Variants in NEBL observed in about 807,000 individuals in gnomAD.
NEBL encodes LIM and SH3 protein 2.
NEBL carries 122 observed loss-of-function variants against 140.2 expected under a neutral mutation model. That is an observed-to-expected ratio of 0.87 (90% CI 0.75 to 1.01). The LOEUF (loss-of-function observed/expected upper bound fraction) is 1.01, where lower values mean the gene tolerates loss of function less well. Among genes scored for constraint, NEBL ranks in the 50% least tolerant of loss-of-function variants. The pLI is 0.00. For synonymous variants in NEBL, 436 were observed against 398.9 expected (o/e 1.09, Z -1.11); for missense variants, 1,365 against 1,231.3 (o/e 1.11, Z -1.62).
intron 1 of NEBL, among the ~76,000 whole-genome samples, chr10:21,286,170 T>C (rs1202735878): frequency 6.6e-6 from 1 of 152,254 alleles, no homozygotes; most frequent in Non-Finnish European, 1.5e-5. Flanking sequence ...ACTGATTTCA[T>C]CCTATTGTGT....
intron 4 of NEBL, among the ~76,000 whole-genome samples, chr10:20,938,302 C>A (rs558804129): frequency 6.6e-6 from 1 of 152,328 alleles, no homozygotes; most frequent in African/African-American, 2.4e-5. Context: ...GTTCTGCAGC[C>A]TCCGCTGCTG....
At chr10:21,165,239 A>AT (rs1840712110) in intron 2 of NEBL, among the ~76,000 whole-genome samples, 1 of 152,248 alleles carries the variant, frequency 6.6e-6, no homozygotes, top group Non-Finnish European at 1.5e-5. Flanking sequence ...ATGAGCATTC[A>AT]TAAGAAATGT....
At chr10:20,955,613 G>A (rs1047103191) in intron 4 of NEBL, among the ~76,000 whole-genome samples, 1 of 152,160 alleles carries the variant, frequency 6.6e-6, no homozygotes, top group Non-Finnish European at 1.5e-5. Context: ...CAGAATTAAA[G>A]GGTTTAGGAG....
Position 20,886,810 on chromosome 10 carries a change from A to G in NEBL, c.369+1287T>C, listed in dbSNP as rs1846563137. 3.9e-5 allele frequency among the ~76,000 whole-genome samples: 6 copies of G among 152,306 alleles called. No individual in the cohort carries two copies. In the South Asian group the frequency reaches 1.0e-3, roughly 26 times the overall value. On this transcript the variant is annotated intron_variant, in intron 4 of 27. Transcript: ENST00000377122. The stretch of plus-strand genomic sequence containing the variant: ...AAATACACGTGAAATGCATAGAACA[A>G]CTTCTGTGTGTTTACTATTATTAAC...
intron 2 of NEBL, among the ~76,000 whole-genome samples, chr10:21,121,316 G>A (rs1273273869): frequency 1.3e-5 from 2 of 152,014 alleles, no homozygotes; most frequent in African/African-American, 2.4e-5. Context: ...TTAATGTCAC[G>A]GTCATGCCAA....
intron 9 of NEBL, among the ~76,000 whole-genome samples, chr10:20,857,776 G>A (rs180819044): frequency 2.0e-5 from 3 of 152,214 alleles, no homozygotes; most frequent in African/African-American, 2.4e-5. Flanking sequence ...GACTAAAAGC[G>A]ATGTGTCAAT....
chr10:20,907,552 G>A (rs147610771), intron 4 of NEBL, among the ~76,000 whole-genome samples: 10 of 152,064 alleles, frequency 6.6e-5, no homozygotes, highest in African/African-American at 1.2e-4. Context: ...TCAGATAACC[G>A]AATTTAAGCA....
chr10:21,064,139 T>G (rs1024017242), intron 2 of NEBL, among the ~76,000 whole-genome samples: 3 of 152,192 alleles, frequency 2.0e-5, no homozygotes, highest in Non-Finnish European at 4.4e-5. Flanking sequence ...TTTTGCTGTG[T>G]CTGTTGTTTA....
intron 4 of NEBL, among the ~76,000 whole-genome samples, chr10:20,941,448 C>G (rs1329040291): frequency 4.6e-5 from 7 of 152,124 alleles, no homozygotes; most frequent in Admixed American, 4.6e-4. Flanking sequence ...ATAATAAGAG[C>G]TATCTATGAC....
At chr10:20,819,237 G>T (rs1839034209) in intron 20 of NEBL, 187 bp downstream of exon 20, 12 of 1,027,492 alleles carry the variant, frequency 1.2e-5, no homozygotes, top group Non-Finnish European at 1.7e-5. Context: ...CGTCCAACAG[G>T]CTCCGGTGTC....
chr10:21,232,847 C>T (rs907692309), intron 3 of NEBL, among the ~76,000 whole-genome samples: 5 of 152,122 alleles, frequency 3.3e-5, no homozygotes, highest in East Asian at 1.9e-4. Context: ...CCACAAAAAG[C>T]CAAAAGCAAA....
At chr10:21,235,407 C>G (rs910009403) in intron 3 of NEBL, among the ~76,000 whole-genome samples, 1 of 152,164 alleles carries the variant, frequency 6.6e-6, no homozygotes, top group African/African-American at 2.4e-5. Context: ...GGCGCGATCT[C>G]GGGTTCAAGC....
At chr10:21,251,820 C>A (rs1004871231) in exon 2 of NEBL, among the ~76,000 whole-genome samples, 1 of 152,134 alleles carries the variant, frequency 6.6e-6, no homozygotes, top group Non-Finnish European at 1.5e-5. Context: ...GACTTCCCAA[C>A]GTCAAGAACT....
chr10:21,073,727 G>C (rs898190605), intron 2 of NEBL, among the ~76,000 whole-genome samples: 2 of 151,798 alleles, frequency 1.3e-5, no homozygotes, highest in African/African-American at 4.8e-5. Context: ...GTATTTCTAG[G>C]CAACCTGTTA....
chr10:21,002,476 A>C (rs1837946113), intron 3 of NEBL, among the ~76,000 whole-genome samples: 1 of 152,214 alleles, frequency 6.6e-6, no homozygotes, highest in Non-Finnish European at 1.5e-5. Flanking sequence ...TTAAATTATA[A>C]ATCAACAGAA....
In NEBL at chr10:20,888,286, G is replaced by T. The variant is rs534178262; in HGVS notation, c.259-79C>A. Reference sequence around the variant, plus strand: ...AACTGTGATTATAAGTAGAAAAGAAGAAACTTTCTCCCAAAACAGAATTGA... The same window carrying T: ...AACTGTGATTATAAGTAGAAAAGAATAAACTTTCTCCCAAAACAGAATTGA... On this transcript the variant is annotated intron_variant, in intron 3 of 27. Coordinates refer to ENST00000377122, the MANE Select transcript of NEBL (RefSeq NM_006393.3). 1.0e-5 allele frequency: 9 copies of T among 873,108 alleles called. No individual in the cohort carries two copies. In the East Asian group the frequency reaches 2.1e-4, roughly 21 times the overall value. The allele number at this position is 873,108 out of a possible 1,614,324, so 54.1% of individuals were successfully genotyped here.
At chr10:21,001,819 G>C (rs1837913910) in intron 3 of NEBL, among the ~76,000 whole-genome samples, 1 of 152,124 alleles carries the variant, frequency 6.6e-6, no homozygotes, top group African/African-American at 2.4e-5. Context: ...TGGAAAATAA[G>C]AACTGATTTC....
At chr10:20,919,460 T>C (rs996073939) in intron 4 of NEBL, among the ~76,000 whole-genome samples, 3 of 152,212 alleles carry the variant, frequency 2.0e-5, no homozygotes, top group Non-Finnish European at 4.4e-5. Flanking sequence ...TTTAAAGTAC[T>C]TTTAATCCAT....
chr10:21,228,206 T>G (rs1283032719), intron 3 of NEBL, among the ~76,000 whole-genome samples: 1 of 151,850 alleles, frequency 6.6e-6, no homozygotes, highest in Non-Finnish European at 1.5e-5. Context: ...CAGGCTGGAG[T>G]GCAGTGGGGC....
Sources: allele counts gnomAD v4.1 joint callset (sites outside exome capture counted in the v4.1 genomes callset), GRCh38; gene constraint gnomAD v4.1.1; transcripts MANE v1.5; gene names NCBI Gene and HGNC (gene_info 2026-07-23, HGNC 2026-07-21).